Variants in DPP10 observed in about 807,000 individuals in gnomAD.
DPP10 encodes dipeptidyl peptidase like 10, also known as inactive dipeptidyl peptidase 10.
In DPP10, 33 loss-of-function variants were observed where a neutral mutation model predicts 120.9. That is an observed-to-expected ratio of 0.27 (90% CI 0.21 to 0.37). The LOEUF (loss-of-function observed/expected upper bound fraction) is 0.37. Among genes scored for constraint, DPP10 ranks in the 10% least tolerant of loss-of-function variants. DPP10 has a pLI of 1.00. For synonymous variants in DPP10, 337 were observed against 326.1 expected (o/e 1.03, Z -0.36); for missense variants, 816 against 942.8 (o/e 0.87, Z 1.76).
chr2:114,492,062 T>A (rs2104443605), intron 1 of DPP10, among the ~76,000 whole-genome samples: 1 of 152,302 alleles, frequency 6.6e-6, no homozygotes, highest in East Asian at 1.9e-4. Flanking sequence ...ACCAGATGTC[T>A]TGTATAGGGT....
chr2:115,744,695 T>C (rs1486955588), intron 9 of DPP10, among the ~76,000 whole-genome samples: 2 of 150,448 alleles, frequency 1.3e-5, no homozygotes, highest in Non-Finnish European at 2.9e-5. Context: ...CAACAAAACA[T>C]TTATTGAGGA....
intron 5 of DPP10, among the ~76,000 whole-genome samples, chr2:115,620,260 A>G (rs2084845880): frequency 6.6e-6 from 1 of 152,176 alleles, no homozygotes; most frequent in Non-Finnish European, 1.5e-5. Flanking sequence ...CCCACACATT[A>G]TTTATGCTCA....
chr2:114,548,496 A>G (rs1687605550), intron 1 of DPP10, among the ~76,000 whole-genome samples: 1 of 152,140 alleles, frequency 6.6e-6, no homozygotes, highest in Non-Finnish European at 1.5e-5. Context: ...AGGGCGGGCT[A>G]GTTACAGGCT....
intron 1 of DPP10, among the ~76,000 whole-genome samples, chr2:115,277,792 T>C (rs921451425): frequency 6.6e-6 from 1 of 152,290 alleles, no homozygotes; most frequent in East Asian, 1.9e-4. Flanking sequence ...TGTAAAATAT[T>C]AAGTATAATG....
intron 1 of DPP10, among the ~76,000 whole-genome samples, chr2:115,186,762 C>T (rs945499790): frequency 3.9e-5 from 6 of 152,096 alleles, no homozygotes; most frequent in African/African-American, 1.4e-4. Context: ...AAATTGTTGT[C>T]CTTGTAGGAT....
intron 1 of DPP10, among the ~76,000 whole-genome samples, chr2:115,173,875 T>C (rs2053530483): frequency 6.6e-6 from 1 of 152,202 alleles, no homozygotes; most frequent in South Asian, 2.1e-4. Context: ...AAGGCTGATT[T>C]GCTCAAAATC....
At chr2:114,949,380 G>A (rs755772646) in intron 1 of DPP10, among the ~76,000 whole-genome samples, 3 of 152,240 alleles carry the variant, frequency 2.0e-5, no homozygotes, top group East Asian at 1.9e-4. Context: ...ATGGGGACAC[G>A]GAGCCAAACC....
At chr2:115,547,095 T>C (rs2079547766) in intron 5 of DPP10, among the ~76,000 whole-genome samples, 1 of 152,166 alleles carries the variant, frequency 6.6e-6, no homozygotes, top group Non-Finnish European at 1.5e-5. Flanking sequence ...ATCCCTGACA[T>C]GAAATGTCAC....
chr2:115,155,697 A>C (rs2051863445), intron 1 of DPP10, among the ~76,000 whole-genome samples: 1 of 152,350 alleles, frequency 6.6e-6, no homozygotes, highest in South Asian at 2.1e-4. Context: ...GGAATGAGGA[A>C]GTTACACTTT....
intron 1 of DPP10, among the ~76,000 whole-genome samples, chr2:114,514,774 T>G (rs1684452722): frequency 6.7e-6 from 1 of 149,190 alleles, no homozygotes; most frequent in Non-Finnish European, 1.5e-5. Context: ...TTTCTGGTTT[T>G]TTTTTTTGTT....
At chr2:114,783,038 T>G (rs1302050446) in intron 1 of DPP10, among the ~76,000 whole-genome samples, 5 of 152,080 alleles carry the variant, frequency 3.3e-5, no homozygotes, top group Admixed American at 3.3e-4. Flanking sequence ...TAAGGAAAAT[T>G]AAAATACAGA....
At chr2:114,789,856 A>G (rs1574193702) in intron 1 of DPP10, among the ~76,000 whole-genome samples, 2 of 152,224 alleles carry the variant, frequency 1.3e-5, no homozygotes, top group Non-Finnish European at 2.9e-5. Context: ...AATTCCAGTG[A>G]GTCGGATTAG....
At chr2:114,995,164 G>A (rs1469035850) in intron 1 of DPP10, among the ~76,000 whole-genome samples, 1 of 152,188 alleles carries the variant, frequency 6.6e-6, no homozygotes, top group Non-Finnish European at 1.5e-5. Flanking sequence ...GGAGGATGAA[G>A]GACACGTGGA....
chr2:115,730,358 G>A (rs1035435330), intron 8 of DPP10, among the ~76,000 whole-genome samples: 2 of 152,300 alleles, frequency 1.3e-5, no homozygotes, highest in African/African-American at 2.4e-5. Context: ...TCTGGTTTGG[G>A]TCACTAGTAA....
chr2:114,490,502 G>A (rs1467543800), intron 1 of DPP10, among the ~76,000 whole-genome samples: 1 of 152,148 alleles, frequency 6.6e-6, no homozygotes, highest in Non-Finnish European at 1.5e-5. Context: ...GCTCCCTCAC[G>A]AGCTCCACAC....
chr2:114,645,269 C>A (rs1055374709), intron 1 of DPP10, among the ~76,000 whole-genome samples: 5 of 152,104 alleles, frequency 3.3e-5, no homozygotes, highest in Non-Finnish European at 5.9e-5. Context: ...TTCTATTTGC[C>A]ATCTCTCCAT....
chr2:115,753,102 C>A, intron 10 of DPP10, 72 bp from the exon 11 acceptor site: 5 of 1,403,910 alleles, frequency 3.6e-6, no homozygotes, highest in Non-Finnish European at 4.8e-6. Flanking sequence ...TATAAAATGG[C>A]AAATGTATAT....
intron 3 of DPP10, among the ~76,000 whole-genome samples, chr2:115,497,335 C>A (rs982173): frequency 0.21 from 31,741 of 151,946 alleles, 3,883 homozygotes; most frequent in East Asian, 0.39. Flanking sequence ...ACCAATGGTT[C>A]GCTTGGCCAA....
At chr2:115,724,221 G>A (rs946277580) in intron 7 of DPP10, among the ~76,000 whole-genome samples, 4 of 152,046 alleles carry the variant, frequency 2.6e-5, no homozygotes, top group Non-Finnish European at 4.4e-5. Context: ...TTCATTTCTT[G>A]CCACATGTTC....
Sources: allele counts gnomAD v4.1 joint callset (sites outside exome capture counted in the v4.1 genomes callset), GRCh38; gene constraint gnomAD v4.1.1; transcripts MANE v1.5; gene names NCBI Gene and HGNC (gene_info 2026-07-23, HGNC 2026-07-21).